Variants in PSD4 observed in about 807,000 individuals in gnomAD.
The protein encoded by PSD4 is pleckstrin and Sec7 domain containing 4.
In PSD4, 59 loss-of-function variants were observed where a neutral mutation model predicts 112.5. The observed-to-expected ratio is 0.52, with a 90% CI of 0.43 to 0.65. The LOEUF (loss-of-function observed/expected upper bound fraction) is 0.65. Ranked by LOEUF, PSD4 falls within the 30% of genes least tolerant of loss-of-function variation. The probability of loss-of-function intolerance (pLI) is 0.00; values close to 1 mark genes in which losing one functional copy is unlikely to be tolerated. For synonymous variants in PSD4, 533 were observed against 540.0 expected (o/e 0.99, Z 0.18); for missense variants, 1,267 against 1,352.6 (o/e 0.94, Z 0.99).
At chr2:113,175,190 C>G (rs749204523) in intron 1 of PSD4, 1 of 152,562 alleles carries the variant, frequency 6.6e-6, no homozygotes, top group African/African-American at 2.4e-5. Flanking sequence ...TTTGTCCTCC[C>G]CAGGCAGCAG....
chr2:113,179,792 C>A (rs1292712413), intron 1 of PSD4, among the ~76,000 whole-genome samples: 2 of 152,118 alleles, frequency 1.3e-5, no homozygotes, highest in Admixed American at 6.5e-5. Flanking sequence ...TAAGAAAGGG[C>A]CTCTCCTCTC....
chr2:113,189,637 T>C (rs910914432), intron 5 of PSD4, among the ~76,000 whole-genome samples: 2 of 152,188 alleles, frequency 1.3e-5, no homozygotes, highest in African/African-American at 4.8e-5. Context: ...CCACCAGCAG[T>C]GTAGAAGCGT....
In PSD4 at chr2:113,182,632, C is replaced by T. The variant is rs1244265814; in HGVS notation, c.176C>T (p.Thr59Ile). 3.7e-6 allele frequency: 6 copies of T among 1,613,850 alleles called. No homozygotes were observed. The highest frequency in any genetic ancestry group is 5.1e-6 in the Non-Finnish European group (6 of 1,179,954). The change falls in exon 2 of 17, where the codon ACC becomes ATC. Residue 59 changes from threonine (T) to isoleucine (I), a missense_variant. Physicochemically the swap from Thr to Ile is moderately conservative, Grantham distance 89 (BLOSUM62 -1). Transcript: ENST00000245796. ...QTWATDPPEP[T>I]RQNVPPWGSG... ...TGGGCCACTGACCCTCCTGAACCTA[C>T]CAGACAAAATGTTCCTCCCTGGGGC...
In PSD4 at chr2:113,187,996, A is replaced by G. The variant is rs186341488; in HGVS notation, c.1628+1741A>G. ...TGAAAGACCTCACAAGTCACGTGGA[A>G]AACCACTGACAAATCGGGAACCAAA... On this transcript the variant is annotated intron_variant, in intron 5 of 16. Coordinates refer to ENST00000245796, the MANE Select transcript of PSD4 (RefSeq NM_012455.3). 1.2e-4 allele frequency among the ~76,000 whole-genome samples: 18 copies of G among 152,364 alleles called. No homozygotes were observed. The East Asian group carries it at 3.1e-3, about 26-fold the overall frequency.
At chr2:113,185,135 A>G (rs1688258957) in intron 3 of PSD4, 62 bp downstream of exon 3, 2 of 1,610,090 alleles carry the variant, frequency 1.2e-6, no homozygotes, top group South Asian at 2.2e-5. Context: ...ATATGAGCCC[A>G]TTCATTTCCA....
At position 113,195,577 on chromosome 2, in the gene PSD4, A is replaced by ATGCT. The variant is rs1306362864; in HGVS notation, c.2182-144_2182-141dup. The ATGCT allele has an allele frequency of 4.7e-6, 3 of 640,326 alleles. No individual in the cohort carries two copies. In the African/African-American group the frequency reaches 5.5e-5, roughly 12 times the overall value. The allele number at this position is 640,326 out of a possible 1,614,324, so 39.7% of individuals were successfully genotyped here. ...GATGGATGGATGGATGGATGGATGG[A>ATGCT]TGCTTGCTTACTCAAGGAGGAAGGG... On this transcript the variant is annotated intron_variant, in intron 10 of 16. Transcript: ENST00000245796.
chr2:113,184,377 C>CT lies in PSD4; in HGVS notation c.1057-561dup, dbSNP rs10610865. 5.7e-3 allele frequency among the ~76,000 whole-genome samples: 715 copies of CT among 125,720 alleles called. 6 individuals carry two copies. Among genetic ancestry groups the CT allele is most frequent in the African/African-American group, 8.3e-3 (270 of 32,342 alleles). 82.5% of individuals were successfully genotyped at this position (125,720 alleles called of 152,430 possible). On this transcript the variant is annotated intron_variant, in intron 2 of 16. Coordinates refer to ENST00000245796, the MANE Select transcript of PSD4 (RefSeq NM_012455.3). ...TGGAGGTCCATTTTCTCAGGACTTTCTTTTTTTTTTTTTTTTTTTGAGACG... is the reference window on the plus strand; with the variant it reads ...TGGAGGTCCATTTTCTCAGGACTTTCTTTTTTTTTTTTTTTTTTTTGAGACG...
At position 113,193,577 on chromosome 2, in the gene PSD4, C is replaced by G; in HGVS notation, c.2033-15C>G. On this transcript the variant is annotated splice_polypyrimidine_tract_variant and intron_variant, in intron 8 of 16. Transcript: ENST00000245796. ...TCCAATGAGCTTTCTCTCCACTTAC[C>G]TATCTCTGGGGTAGATTCTGTACAC... The G allele has an allele frequency of 6.2e-7, 1 of 1,610,848 alleles. No homozygotes were observed. The highest frequency in any genetic ancestry group is 1.1e-5 in the South Asian group (1 of 90,994).
Position 113,186,251 on chromosome 2 carries a change from G to C in PSD4, c.1624G>C (p.Glu542Gln). The change falls in exon 5 of 17, where the codon GAA becomes CAA. Residue 542 changes from glutamate (E) to glutamine (Q), a missense_variant. Glu to Gln is a conservative substitution (Grantham distance 29, BLOSUM62 2). Coordinates refer to ENST00000245796, the MANE Select transcript of PSD4 (RefSeq NM_012455.3). ...VQPDIHLTSA[E>Q]HENLRTPMNS... ...GCCTGACATTCACCTGACTTCTGCA[G>C]AACAGTAAGTCTCAGACTAACTGGC... is the stretch of plus-strand genomic sequence containing the variant. 1.3e-6 allele frequency: 2 copies of C among 1,579,294 alleles called. No homozygotes were observed. The highest frequency in any genetic ancestry group is 1.7e-6 in the Non-Finnish European group (2 of 1,161,340).
intron 10 of PSD4, 127 bp from the exon 11 acceptor site, chr2:113,195,600 G>A: frequency 2.3e-6 from 2 of 851,298 alleles, no homozygotes; most frequent in Non-Finnish European, 1.9e-6. Context: ...CAAGGAGGAA[G>A]GGCACCTATG....
intron 16 of PSD4, among the ~76,000 whole-genome samples, chr2:113,199,775 G>T (rs756131945): frequency 2.0e-5 from 3 of 152,170 alleles, no homozygotes; most frequent in Non-Finnish European, 4.4e-5. Context: ...TTTACATGCT[G>T]CTCTAAATGC....
chr2:113,190,778 A>T (rs1405887457), intron 5 of PSD4, among the ~76,000 whole-genome samples: 1 of 152,176 alleles, frequency 6.6e-6, no homozygotes. Flanking sequence ...AATGGCCTTT[A>T]TGATCTTACT....
At chr2:113,180,404 C>T (rs1050050722) in intron 1 of PSD4, among the ~76,000 whole-genome samples, 1 of 152,162 alleles carries the variant, frequency 6.6e-6, no homozygotes, top group Non-Finnish European at 1.5e-5. Context: ...GAGCTGACCC[C>T]CATGGGTTTG....
Position 113,185,448 on chromosome 2 carries a change from C to G in PSD4, c.1249+8C>G. 6.2e-7 allele frequency: 1 copy of G among 1,614,114 alleles called. No homozygotes were observed. Among genetic ancestry groups the G allele is most frequent in the Non-Finnish European group, 8.5e-7 (1 of 1,180,016 alleles). On this transcript the variant is annotated splice_region_variant and intron_variant, in intron 4 of 16. Transcript: ENST00000245796. ...TTAACTCCCAGGACAGAGGTGAGCC[C>G]TAATAAGGGGGTTTGGGAAATTGGG...
Position 113,182,945 on chromosome 2 carries a change from C to T in PSD4, c.489C>T (p.Ala163=), listed in dbSNP as rs1688188358. The change falls in exon 2 of 17, where the codon GCC becomes GCT. Residue 163 remains alanine, a synonymous_variant. Transcript: ENST00000245796. ...TGTTCTGGGCAGGCATCCTGCAGGC[C>T]CAGATGTGTGTCCTAGACCTGGAGG... ...QVVFWAGILQ[A]QMCVLDLEEE... 1.2e-6 allele frequency: 2 copies of T among 1,614,184 alleles called. No individual in the cohort carries two copies. The highest frequency in any genetic ancestry group is 1.1e-5 in the South Asian group (1 of 91,084).
At chr2:113,185,519 G>A (rs111317174) in intron 4 of PSD4, 79 bp downstream of exon 4, 52,195 of 1,610,288 alleles carry the variant, frequency 0.032, 996 homozygotes, top group Middle Eastern at 0.053. Flanking sequence ...GATCATTCTT[G>A]GATCCATGGT....
Position 113,198,127 on chromosome 2 carries a change from A to G in PSD4, c.2624+214A>G, listed in dbSNP as rs1688663818. ...CCTACTTCCTCCCCATCCTTGGCCA[A>G]CTTTGCCAGCACAGTATGCCTTTTC... is the stretch of plus-strand genomic sequence containing the variant. On this transcript the variant is annotated intron_variant, in intron 14 of 16. Transcript: ENST00000245796. 4 of 580,454 alleles carry G rather than the reference A, an allele frequency of 6.9e-6. No individual in the cohort carries two copies. The East Asian group carries it at 1.2e-4, about 17-fold the overall frequency. The allele number at this position is 580,454 out of a possible 1,614,324, so 36.0% of individuals were successfully genotyped here.
intron 12 of PSD4, 139 bp downstream of exon 12, chr2:113,196,446 C>T (rs961452833): frequency 9.9e-6 from 11 of 1,111,728 alleles, no homozygotes; most frequent in African/African-American, 4.7e-5. Flanking sequence ...TTCCTCAGTG[C>T]GTACTGAACA....
At chr2:113,179,588 A>G (rs1240263680) in intron 1 of PSD4, among the ~76,000 whole-genome samples, 1 of 152,212 alleles carries the variant, frequency 6.6e-6, no homozygotes, top group African/African-American at 2.4e-5. Context: ...TGGATTAAGG[A>G]TACCCGTATC....
Sources: allele counts gnomAD v4.1 joint callset (sites outside exome capture counted in the v4.1 genomes callset), GRCh38; gene constraint gnomAD v4.1.1; transcripts MANE v1.5; gene names NCBI Gene and HGNC (gene_info 2026-07-23, HGNC 2026-07-21).